Variants in DNAJC8 observed in about 807,000 individuals in gnomAD.
DNAJC8 encodes dnaJ homolog subfamily C member 8.
In DNAJC8, 24 loss-of-function variants were observed where a neutral mutation model predicts 43.2. The observed-to-expected ratio is 0.56, with a 90% CI of 0.40 to 0.78. The LOEUF is 0.78. DNAJC8 is among the 30% of genes least tolerant of loss of function. DNAJC8 has a pLI of 0.00. For missense variants in DNAJC8, 207 were observed against 299.4 expected (o/e 0.69, Z 2.28); for synonymous variants, 83 against 98.0 (o/e 0.85, Z 0.90).
At chr1:28,229,088 A>G in intron 1 of DNAJC8, 65 bp from the exon 2 acceptor site, 1 of 1,321,212 alleles carries the variant, frequency 7.6e-7, no homozygotes, top group Admixed American at 1.8e-5. Flanking sequence ...TATCTTAACA[A>G]AATGTTCACT....
rs1256727731 is a variant in DNAJC8, at chr1:28,203,829, G to T, written c.564-7C>A. On this transcript the variant is annotated splice_polypyrimidine_tract_variant and splice_region_variant and intron_variant, in intron 7 of 8. Coordinates refer to ENST00000263697, the MANE Select transcript of DNAJC8 (RefSeq NM_014280.3). ...TTCTTCCCTTTGTCGTTTCCTAGGA[G>T]GAAAACCAGATCATAGTATTTATAT... 6.2e-7 allele frequency: 1 copy of T among 1,613,856 alleles called. No homozygotes were observed. The highest frequency in any genetic ancestry group is 1.6e-4 in the Middle Eastern group (1 of 6,062).
At chr1:28,224,611 G>A (rs369347376) in intron 2 of DNAJC8, among the ~76,000 whole-genome samples, 116 of 152,126 alleles carry the variant, frequency 7.6e-4, no homozygotes, top group African/African-American at 2.6e-3. Context: ...CGCCAGGTGT[G>A]GTGGCTCACG....
chr1:28,215,612 A>T (rs1646846745), intron 2 of DNAJC8, among the ~76,000 whole-genome samples: 2 of 150,762 alleles, frequency 1.3e-5, no homozygotes, highest in Admixed American at 1.3e-4. Context: ...ATCTCGGCTC[A>T]CTGCAACCTC....
intron 2 of DNAJC8, among the ~76,000 whole-genome samples, chr1:28,220,948 TA>T (rs1646894103): frequency 6.6e-6 from 1 of 152,164 alleles, no homozygotes; most frequent in African/African-American, 2.4e-5. Flanking sequence ...GGGAGCTAAT[TA>T]ATCATCACAC....
At chr1:28,212,267 CTATTCTTTTTTT>C (rs1342503906) in intron 3 of DNAJC8, among the ~76,000 whole-genome samples, 1 of 95,906 alleles carries the variant, frequency 1.0e-5, no homozygotes, top group Non-Finnish European at 2.0e-5. Flanking sequence ...ATTCGTTGTT[CTATTCTTTTTTT>C]TTTTTTTTTT....
chr1:28,204,157 A>G (rs1435571724), intron 7 of DNAJC8, among the ~76,000 whole-genome samples: 2 of 152,220 alleles, frequency 1.3e-5, no homozygotes, highest in Non-Finnish European at 2.9e-5. Context: ...CAGCAGAATG[A>G]CCATTATAAA....
intron 6 of DNAJC8, among the ~76,000 whole-genome samples, chr1:28,207,431 T>TTTG (rs143873627): frequency 0.012 from 1,749 of 150,550 alleles, 22 homozygotes; most frequent in Middle Eastern, 0.027. Context: ...AAATAAAATG[T>TTTG]TTGTTGTTGT....
At chr1:28,226,109 C>T (rs112237592) in intron 2 of DNAJC8, among the ~76,000 whole-genome samples, 1 of 151,116 alleles carries the variant, frequency 6.6e-6, no homozygotes, top group Non-Finnish European at 1.5e-5. Flanking sequence ...TTAACAGATA[C>T]AAAAATATTC....
At chr1:28,224,729 A>G (rs1297250594) in intron 2 of DNAJC8, among the ~76,000 whole-genome samples, 1 of 152,060 alleles carries the variant, frequency 6.6e-6, no homozygotes, top group African/African-American at 2.4e-5. Context: ...CTAAAAATAC[A>G]AAAAATTAGC....
Position 28,201,321 on chromosome 1 carries a change from G to A in DNAJC8, c.689C>T (p.Thr230Met), listed in dbSNP as rs769205621. Residue 230 changes from threonine to methionine, a missense_variant, in exon 9 of 9, where the codon ACG (threonine) becomes ATG (methionine). Physicochemically the swap from Thr to Met is moderately conservative, Grantham distance 81. Transcript: ENST00000263697. ...ATTTTTCTTCTCTTTCTTCCCCTTC[G>A]TATTGGCTTGGAAGTTTCGCCAGCT... ...VDSWRNFQAN[T>M]KGKKEKKNRT... 1.2e-6 allele frequency: 2 copies of A among 1,613,624 alleles called. No homozygotes were observed. Among genetic ancestry groups the A allele is most frequent in the Non-Finnish European group, 8.5e-7 (1 of 1,180,014 alleles).
At chr1:28,229,139 C>A in intron 1 of DNAJC8, 116 bp from the exon 2 acceptor site, 2 of 853,276 alleles carry the variant, frequency 2.3e-6, no homozygotes, top group Non-Finnish European at 1.8e-6. Flanking sequence ...TTACCATGTG[C>A]AAGACATTTT....
Position 28,201,376 on chromosome 1 carries a change from T to C in DNAJC8, c.640-6A>G, listed in dbSNP as rs1221981957. ...ACACGACCATCTCGACTTTCCTAAG[T>C]ACAAAAGAAGTTTGAGGTGAGGAGA... On this transcript the variant is annotated splice_polypyrimidine_tract_variant and splice_region_variant and intron_variant, in intron 8 of 8. Coordinates refer to ENST00000263697, the MANE Select transcript of DNAJC8 (RefSeq NM_014280.3). 6.2e-7 allele frequency: 1 copy of C among 1,613,880 alleles called. No homozygotes were observed. Among genetic ancestry groups the C allele is most frequent in the Admixed American group, 1.7e-5 (1 of 60,018 alleles).
intron 1 of DNAJC8, 62 bp from the exon 2 acceptor site, chr1:28,229,085 AC>A: frequency 7.2e-7 from 1 of 1,381,406 alleles, no homozygotes; most frequent in Admixed American, 1.8e-5. Flanking sequence ...AATTATCTTA[AC>A]AAAATGTTCA....
intron 2 of DNAJC8, among the ~76,000 whole-genome samples, chr1:28,221,092 C>T (rs1006759080): frequency 6.6e-6 from 1 of 151,944 alleles, no homozygotes; most frequent in Non-Finnish European, 1.5e-5. Context: ...GTAATCCCAG[C>T]ACTTTGGGAG....
At chr1:28,226,217 TTTA>T (rs1231940532) in intron 2 of DNAJC8, among the ~76,000 whole-genome samples, 1 of 151,198 alleles carries the variant, frequency 6.6e-6, no homozygotes, top group Admixed American at 6.6e-5. Flanking sequence ...AAAAAAACTT[TTTA>T]AAGATCTGGG....
intron 2 of DNAJC8, among the ~76,000 whole-genome samples, chr1:28,226,395 C>T (rs1285438244): frequency 6.6e-6 from 1 of 150,864 alleles, no homozygotes; most frequent in African/African-American, 2.4e-5. Context: ...CCCAGCTACT[C>T]GGGAGGCTGA....
At chr1:28,202,162 G>A (rs1272141666) in intron 8 of DNAJC8, among the ~76,000 whole-genome samples, 2 of 152,152 alleles carry the variant, frequency 1.3e-5, no homozygotes, top group African/African-American at 2.4e-5. Context: ...CCCCTAGAAC[G>A]CAGGATGAGC....
At chr1:28,219,433 C>T (rs1272822619) in intron 2 of DNAJC8, among the ~76,000 whole-genome samples, 2 of 152,108 alleles carry the variant, frequency 1.3e-5, no homozygotes, top group Non-Finnish European at 2.9e-5. Flanking sequence ...GGCATGAACC[C>T]GGGAGGCGGT....
intron 2 of DNAJC8, among the ~76,000 whole-genome samples, chr1:28,217,499 G>C (rs566027316): frequency 1.3e-5 from 2 of 152,208 alleles, no homozygotes; most frequent in South Asian, 4.2e-4. Context: ...GCATGAAAAT[G>C]AGAATTTTCA....
Sources: gnomAD v4.1 joint callset for allele counts (sites outside exome capture counted in the v4.1 genomes callset) on GRCh38, gnomAD v4.1.1 for gene constraint, MANE v1.5 for transcripts, NCBI Gene and HGNC (gene_info 2026-07-23, HGNC 2026-07-21) for gene names.